Variants in IL6ST observed in about 807,000 individuals in gnomAD.
The protein encoded by IL6ST is interleukin-6 receptor subunit beta.
Under a neutral mutation model 91.3 loss-of-function variants are expected in IL6ST, and 24 were observed. That is an observed-to-expected ratio of 0.26 (90% CI 0.19 to 0.37). The LOEUF is 0.37. IL6ST is among the 10% of genes least tolerant of loss of function. The pLI is 1.00. For missense variants in IL6ST, 914 were observed against 1,078.5 expected, an observed-to-expected ratio of 0.85 and a Z score of 2.14; for synonymous variants, 351 against 373.6, an observed-to-expected ratio of 0.94 and a Z score of 0.70.
Position 55,941,487 on chromosome 5 carries a change from C to T in IL6ST, c.2352G>A (p.Gln784=). The change falls in exon 17 of 17, where the codon CAG becomes CAA. Residue 784 remains glutamine, a synonymous_variant. Transcript: ENST00000381298. Reference sequence around the variant, plus strand: ...GCCGCTCCTCTGAATCTAACAAGGGCTGGGTAGACTCGGATCTTGAGAAGA... The same window carrying T: ...GCCGCTCCTCTGAATCTAACAAGGGTTGGGTAGACTCGGATCTTGAGAAGA... ...VQVFSRSEST[Q]PLLDSEERPE... is the part of the protein sequence containing the mutation. 6.2e-7 allele frequency: 1 copy of T among 1,614,148 alleles called. No individual in the cohort carries two copies. Among genetic ancestry groups the T allele is most frequent in the Non-Finnish European group, 8.5e-7 (1 of 1,179,998 alleles).
rs150584782 is a variant in IL6ST at position 55,939,548 on chromosome 5, A to C, written c.*1534T>G. The C allele has an allele frequency of 7.3e-5, 15 of 205,680 alleles. No individual in the cohort carries two copies. The East Asian group carries it at 9.7e-4, about 13-fold the overall frequency. The allele number at this position is 205,680 out of a possible 1,614,324, so 12.7% of individuals were successfully genotyped here. Reference sequence around the variant, plus strand: ...TATTCTCCAATAACCTCTAGAAACTATTCTAAGCATGCCTGGTTTCTGTAA... The same window carrying C: ...TATTCTCCAATAACCTCTAGAAACTCTTCTAAGCATGCCTGGTTTCTGTAA... On this transcript the variant is annotated 3_prime_UTR_variant, in exon 17 of 17. Transcript: ENST00000381298.
At chr5:55,956,885 C>T (rs1401694102) in intron 9 of IL6ST, among the ~76,000 whole-genome samples, 2 of 152,038 alleles carry the variant, frequency 1.3e-5, no homozygotes, top group South Asian at 2.1e-4. Flanking sequence ...AAGGGCTGGG[C>T]GCGGTGGCTC....
intron 7 of IL6ST, among the ~76,000 whole-genome samples, chr5:55,962,925 G>A (rs1230134296): frequency 6.6e-6 from 1 of 151,692 alleles, no homozygotes; most frequent in Non-Finnish European, 1.5e-5. Context: ...GACCATCCTG[G>A]GCAACACGGC....
chr5:55,956,232 A>G lies in IL6ST; in HGVS notation c.1060T>C (p.Leu354=), dbSNP rs1174861599. Residue 354 remains leucine (L), a synonymous_variant, in exon 10 of 17, where the codon TTG becomes CTG. Transcript: ENST00000381298. ...TTTCCATTGGCTTCAAAAGGAGGCA[A>G]TGTCTGTAATAAAATAGTTTATTTT... The part of the protein sequence containing the change: ...YRTVQLVWKT[L]PPFEANGKIL... The G allele has an allele frequency of 2.6e-6, 4 of 1,547,260 alleles. No homozygotes were observed. The highest frequency in any genetic ancestry group is 3.6e-6 in the Non-Finnish European group (4 of 1,120,966).
At chr5:55,943,793 G>A (rs1751066908) in intron 15 of IL6ST, among the ~76,000 whole-genome samples, 2 of 152,138 alleles carry the variant, frequency 1.3e-5, no homozygotes, top group African/African-American at 2.4e-5. Flanking sequence ...AAAGCGGCTG[G>A]GCGCGGTGGC....
intron 3 of IL6ST, among the ~76,000 whole-genome samples, chr5:55,973,872 C>G (rs1753110579): frequency 6.6e-6 from 1 of 152,190 alleles, no homozygotes; most frequent in African/African-American, 2.4e-5. Context: ...GGACTACAAA[C>G]AACTGCCAAC....
chr5:55,976,233 G>C lies in IL6ST; in HGVS notation c.46C>G (p.Leu16Val). Residue 16 changes from leucine to valine, a missense_variant, in exon 3 of 17, where the codon CTC becomes GTC. Transcript: ENST00000381298. ...ACCTTACCTGTAGATTCAGTGGTGA[G>C]GAAAATAAACAAGGCTTGCACTAGC... ...TWLVQALFIFLTTESTGELLD... is the reference protein window; with the variant it reads ...TWLVQALFIFVTTESTGELLD... 1.3e-6 allele frequency: 2 copies of C among 1,584,648 alleles called. No individual in the cohort carries two copies. The highest frequency in any genetic ancestry group is 1.7e-6 in the Non-Finnish European group (2 of 1,164,512).
At chr5:55,977,800 T>C (rs1753397731) in intron 2 of IL6ST, among the ~76,000 whole-genome samples, 1 of 151,928 alleles carries the variant, frequency 6.6e-6, no homozygotes, top group African/African-American at 2.4e-5. Context: ...GACTCCAGCA[T>C]GGGCAACAGA....
rs200651075 is a variant in IL6ST, at chr5:55,969,729, T to C, written c.191A>G (p.Tyr64Cys). 5 of 1,611,814 alleles carry C rather than the reference T, an allele frequency of 3.1e-6. No homozygotes were observed. In the Admixed American group the frequency reaches 8.3e-5, roughly 27 times the overall value. The change falls in exon 4 of 17, where the codon TAC becomes TGC. Residue 64 changes from tyrosine to cysteine, a missense_variant. Tyr to Cys is a radical substitution (Grantham distance 194, BLOSUM62 -2). Coordinates refer to ENST00000381298, the MANE Select transcript of IL6ST (RefSeq NM_002184.4). Reference protein sequence around the residue: ...CMDYFHVNANYIVWKTNHFTI... With the variant: ...CMDYFHVNANCIVWKTNHFTI... ...AAAATGGTTTGTTTTCCAGACAATG[T>C]AATTAGCATTTACATGAAAATAATC...
chr5:55,960,601 G>A, intron 7 of IL6ST, 40 bp from the exon 8 acceptor site: 2 of 1,571,410 alleles, frequency 1.3e-6, no homozygotes, highest in Non-Finnish European at 8.6e-7. Context: ...ACCTCAATTA[G>A]TAAGGTCTTC....
At chr5:55,974,958 C>CACACACACACACACACACACAT (rs1753196862) in intron 3 of IL6ST, among the ~76,000 whole-genome samples, 1 of 101,296 alleles carries the variant, frequency 9.9e-6, no homozygotes, top group African/African-American at 4.4e-5. Context: ...CACACACATA[C>CACACACACACACACACACACAT]ACACACACAC....
rs1750458951 is a variant in IL6ST at position 55,935,544 on chromosome 5, AT to A, written c.*5537del. ...CTAAGTTGTCCAAGAGCCAACCCCG[AT>A]CAGCAGCAACAGGACTCAAGCTGTT... On this transcript the variant is annotated 3_prime_UTR_variant, in exon 17 of 17. Coordinates refer to ENST00000381298, the MANE Select transcript of IL6ST (RefSeq NM_002184.4). 1 of 217,252 alleles carries A rather than the reference AT, an allele frequency of 4.6e-6. No homozygotes were observed. The allele number at this position is 217,252 out of a possible 1,614,324, so 13.5% of individuals were successfully genotyped here. A position where few individuals can be genotyped will look rare whatever the true frequency, so the allele number is the denominator to read the frequency against.
At chr5:55,973,824 A>C (rs1237567252) in intron 3 of IL6ST, among the ~76,000 whole-genome samples, 1 of 152,218 alleles carries the variant, frequency 6.6e-6, no homozygotes, top group Non-Finnish European at 1.5e-5. Context: ...AACTTGGGAA[A>C]AGACAGACAC....
chr5:55,981,041 AT>A (rs1753635820), intron 2 of IL6ST, among the ~76,000 whole-genome samples: 2 of 152,342 alleles, frequency 1.3e-5, no homozygotes, highest in South Asian at 4.1e-4. Context: ...AATGTACTAT[AT>A]TCTTGCAACA....
In IL6ST at chr5:55,936,695, C is replaced by CTATAT. The variant is rs1261643455; in HGVS notation, c.*4386_*4387insATATA. The CTATAT allele has an allele frequency of 1.6e-5, 3 of 192,306 alleles. No homozygotes were observed. Among genetic ancestry groups the CTATAT allele is most frequent in the African/African-American group, 7.0e-5 (3 of 43,114 alleles). The allele number at this position is 192,306 out of a possible 1,614,324, so 11.9% of individuals were successfully genotyped here. A position where few individuals can be genotyped will look rare whatever the true frequency, so the allele number is the denominator to read the frequency against. Reference sequence around the variant, plus strand: ...TTAAAATTTACTTAAGGGATTAGAGCTAATATATAATAGAACATTTAATAT... The same window carrying CTATAT: ...TTAAAATTTACTTAAGGGATTAGAGCTATATTAATATATAATAGAACATTTAATAT... On this transcript the variant is annotated 3_prime_UTR_variant, in exon 17 of 17. Transcript: ENST00000381298.
At chr5:55,970,894 A>T (rs10055770) in intron 3 of IL6ST, among the ~76,000 whole-genome samples, 1 of 151,758 alleles carries the variant, frequency 6.6e-6, no homozygotes, top group African/African-American at 2.4e-5. Flanking sequence ...AGAGTGAGAC[A>T]GAGTCTCAAA....
At chr5:55,963,974 T>A (rs992584522) in intron 6 of IL6ST, among the ~76,000 whole-genome samples, 172 bp downstream of exon 6, 2 of 152,074 alleles carry the variant, frequency 1.3e-5, no homozygotes, top group Non-Finnish European at 2.9e-5. Context: ...CTACATTAAT[T>A]AAAATCTAAA....
At chr5:55,981,697 C>T (rs575205459) in intron 2 of IL6ST, among the ~76,000 whole-genome samples, 26 of 152,022 alleles carry the variant, frequency 1.7e-4, no homozygotes, top group African/African-American at 4.6e-4. Context: ...TATTTTTTCC[C>T]TCCTTTCCTT....
intron 11 of IL6ST, 130 bp downstream of exon 11, chr5:55,954,680 A>G: frequency 4.9e-6 from 3 of 614,412 alleles, no homozygotes; most frequent in Non-Finnish European, 8.4e-6. Flanking sequence ...AAAGTCACAC[A>G]TCTAGTAAGT....
Sources: allele counts gnomAD v4.1 joint callset (sites outside exome capture counted in the v4.1 genomes callset), GRCh38; gene constraint gnomAD v4.1.1; transcripts MANE v1.5; gene names NCBI Gene and HGNC (gene_info 2026-07-23, HGNC 2026-07-21).